Variants in IMMP2L observed in about 807,000 individuals in gnomAD.
The protein encoded by IMMP2L is inner mitochondrial membrane peptidase subunit 2, also known as mitochondrial inner membrane protease subunit 2.
Under a neutral mutation model 19.3 loss-of-function variants are expected in IMMP2L, and 18 were observed. That is an observed-to-expected ratio of 0.93 (90% CI 0.64 to 1.38). The LOEUF (loss-of-function observed/expected upper bound fraction) is 1.38. Among genes scored for constraint, IMMP2L ranks in the 40% most tolerant of loss-of-function variants. The pLI is 0.00. For missense variants in IMMP2L, 233 were observed against 218.2 expected, an observed-to-expected ratio of 1.07 and a Z score of -0.43; for synonymous variants, 76 against 73.0, an observed-to-expected ratio of 1.04 and a Z score of -0.21.
At chr7:111,316,748 T>C (rs1042276482) in intron 3 of IMMP2L, among the ~76,000 whole-genome samples, 5 of 148,896 alleles carry the variant, frequency 3.4e-5, no homozygotes, top group African/African-American at 1.2e-4. Context: ...ATATTTACAA[T>C]CAAAAAAGGC....
At chr7:111,347,277 A>C (rs958360877) in intron 3 of IMMP2L, among the ~76,000 whole-genome samples, 1 of 152,074 alleles carries the variant, frequency 6.6e-6, no homozygotes, top group Non-Finnish European at 1.5e-5. Context: ...TTGGTTAAGA[A>C]GGAAAGCAGA....
intron 5 of IMMP2L, among the ~76,000 whole-genome samples, chr7:110,850,326 C>A (rs139919864): frequency 6.6e-6 from 1 of 152,060 alleles, no homozygotes; most frequent in Non-Finnish European, 1.5e-5. Flanking sequence ...TTTACAGATG[C>A]AATGACAATG....
At chr7:111,438,534 G>A (rs2131758813) in intron 3 of IMMP2L, among the ~76,000 whole-genome samples, 1 of 151,902 alleles carries the variant, frequency 6.6e-6, no homozygotes, top group Middle Eastern at 3.4e-3. Flanking sequence ...TGCTAGAACT[G>A]TTTCCTGGGA....
intron 3 of IMMP2L, among the ~76,000 whole-genome samples, chr7:111,234,594 T>C (rs541997693): frequency 2.2e-4 from 33 of 152,236 alleles, no homozygotes; most frequent in Middle Eastern, 3.4e-3. Flanking sequence ...ATCTACCCTT[T>C]TGCTACTTGT....
intron 5 of IMMP2L, among the ~76,000 whole-genome samples, chr7:110,804,629 A>G (rs1801494913): frequency 6.6e-6 from 1 of 152,082 alleles, no homozygotes; most frequent in South Asian, 2.1e-4. Context: ...TGAGGTGGAC[A>G]CCTAAGTTTG....
At chr7:111,470,666 T>G (rs892775940) in intron 3 of IMMP2L, among the ~76,000 whole-genome samples, 1,659 of 134,952 alleles carry the variant, frequency 0.012, 12 homozygotes, top group Non-Finnish European at 0.018. Flanking sequence ...TAGGTGGGAA[T>G]TGAACAATGA....
At chr7:111,219,079 T>C (rs964391595) in intron 3 of IMMP2L, among the ~76,000 whole-genome samples, 4 of 152,008 alleles carry the variant, frequency 2.6e-5, no homozygotes, top group African/African-American at 9.7e-5. Context: ...AGAAAAAGAC[T>C]ACGTGGCTAA....
intron 1 of IMMP2L, among the ~76,000 whole-genome samples, chr7:111,533,281 T>C (rs73203030): frequency 0.088 from 13,412 of 152,228 alleles, 804 homozygotes; most frequent in Middle Eastern, 0.19. Context: ...TCCACTCTTA[T>C]ATGCCTTGTT....
intron 2 of IMMP2L, among the ~76,000 whole-genome samples, chr7:111,496,593 T>C (rs934019411): frequency 6.6e-6 from 1 of 152,188 alleles, no homozygotes; most frequent in African/African-American, 2.4e-5. Flanking sequence ...AATATTTTCA[T>C]ATTCTCTCTC....
intron 5 of IMMP2L, among the ~76,000 whole-genome samples, chr7:110,791,721 T>G (rs1800471624): frequency 6.6e-6 from 1 of 151,726 alleles, no homozygotes; most frequent in South Asian, 2.1e-4. Context: ...ACTCCTGAAT[T>G]TAACAATTGC....
At chr7:110,742,766 C>T (rs1797068449) in intron 5 of IMMP2L, among the ~76,000 whole-genome samples, 1 of 26,314 alleles carries the variant, frequency 3.8e-5, no homozygotes, top group East Asian at 1.1e-3. Flanking sequence ...TAAACTCCGT[C>T]TCAAAAAAAA....
intron 3 of IMMP2L, among the ~76,000 whole-genome samples, chr7:110,994,294 T>C (rs922609263): frequency 6.6e-6 from 1 of 152,094 alleles, no homozygotes; most frequent in Non-Finnish European, 1.5e-5. Flanking sequence ...TGGGGTTCTT[T>C]TCTCACCTTC....
At chr7:110,848,980 T>A (rs1585020993) in intron 5 of IMMP2L, among the ~76,000 whole-genome samples, 1 of 152,244 alleles carries the variant, frequency 6.6e-6, no homozygotes. Context: ...TTCTGTATGA[T>A]ACCACAATGA....
At chr7:110,889,084 C>T (rs778812108) in intron 4 of IMMP2L, among the ~76,000 whole-genome samples, 2 of 152,116 alleles carry the variant, frequency 1.3e-5, no homozygotes, top group Non-Finnish European at 2.9e-5. Flanking sequence ...GAGTTTCTAC[C>T]TCTATTTGCC....
At chr7:111,415,491 T>C (rs769511817) in intron 3 of IMMP2L, among the ~76,000 whole-genome samples, 5 of 151,784 alleles carry the variant, frequency 3.3e-5, no homozygotes, top group East Asian at 1.9e-4. Flanking sequence ...TAAACAGCAA[T>C]AGAAAACTAA....
chr7:110,878,437 T>A (rs991004855), intron 5 of IMMP2L, among the ~76,000 whole-genome samples: 3 of 152,134 alleles, frequency 2.0e-5, no homozygotes, highest in Admixed American at 2.0e-4. Context: ...TGTTAATATT[T>A]ATATTTTGAC....
chr7:111,220,850 A>G (rs1234107009), intron 3 of IMMP2L, among the ~76,000 whole-genome samples: 2 of 151,974 alleles, frequency 1.3e-5, no homozygotes, highest in Non-Finnish European at 2.9e-5. Context: ...AGGGGAACCG[A>G]GGGCAAGAGA....
chr7:111,452,128 G>C (rs1407235068), intron 3 of IMMP2L, among the ~76,000 whole-genome samples: 3 of 152,080 alleles, frequency 2.0e-5, no homozygotes, highest in Admixed American at 2.0e-4. Flanking sequence ...TATTAATCAA[G>C]ATGCAGGTTT....
Position 110,663,529 on chromosome 7 carries a change from T to C in IMMP2L, c.*73A>G. The C allele has an allele frequency of 7.0e-7, 1 of 1,421,874 alleles. No homozygotes were observed. The highest frequency in any genetic ancestry group is 9.9e-7 in the Non-Finnish European group (1 of 1,014,816). 88.1% of individuals were successfully genotyped at this position (1,421,874 alleles called of 1,614,324 possible). On this transcript the variant is annotated 3_prime_UTR_variant, in exon 6 of 6. Coordinates refer to ENST00000405709, the MANE Select transcript of IMMP2L (RefSeq NM_032549.4). ...CATATTGTCAGAAGTTTTTCCCTTTTGGAGGCTTCTTTTTTCCATTCCTTT... is the reference window on the plus strand; with the variant it reads ...CATATTGTCAGAAGTTTTTCCCTTTCGGAGGCTTCTTTTTTCCATTCCTTT...
Sources: gnomAD v4.1 joint callset for allele counts (sites outside exome capture counted in the v4.1 genomes callset) on GRCh38, gnomAD v4.1.1 for gene constraint, MANE v1.5 for transcripts, NCBI Gene and HGNC (gene_info 2026-07-23, HGNC 2026-07-21) for gene names.